KCNK17: variants seen among roughly 807,000 people sequenced by gnomAD.
KCNK17 encodes the protein potassium two pore domain channel subfamily K member 17.
Under a neutral mutation model 24.6 loss-of-function variants are expected in KCNK17, and 27 were observed. That is an observed-to-expected ratio of 1.10 (90% CI 0.81 to 1.51). The LOEUF is 1.51. KCNK17 is among the 40% of genes most tolerant of loss of function. The probability of loss-of-function intolerance (pLI) is 0.00; values close to 1 mark genes in which losing one functional copy is unlikely to be tolerated. For missense variants in KCNK17, 450 were observed against 436.6 expected, an observed-to-expected ratio of 1.03 and a Z score of -0.27; for synonymous variants, 181 against 189.8, an observed-to-expected ratio of 0.95 and a Z score of 0.38.
At chr6:39,300,334 G>A (rs529237801) in intron 4 of KCNK17, 13 of 734,180 alleles carry the variant, frequency 1.8e-5, no homozygotes, top group South Asian at 1.6e-4. Flanking sequence ...TTGTTGCCCA[G>A]GCTGGTCTTG....
rs375193911 is a variant in KCNK17 at position 39,311,012 on chromosome 6, G to A, written c.238-5C>T. 20 of 1,590,246 alleles carry A rather than the reference G, an allele frequency of 1.3e-5. No individual in the cohort carries two copies. Among genetic ancestry groups the A allele is most frequent in the Non-Finnish European group, 1.7e-5 (20 of 1,163,102 alleles). ...TTTGTATGCTTGGACGACATCCTGG[G>A]GAAGAGGCTGCAATGACCACCAGGC... On this transcript the variant is annotated splice_region_variant and splice_polypyrimidine_tract_variant and intron_variant, in intron 1 of 4. Coordinates refer to ENST00000373231, the MANE Select transcript of KCNK17 (RefSeq NM_031460.4).
At chr6:39,304,789 C>A in intron 2 of KCNK17, 134 bp from the exon 3 acceptor site, 3 of 912,854 alleles carry the variant, frequency 3.3e-6, no homozygotes, top group Non-Finnish European at 5.1e-6. Flanking sequence ...TGATACTTAC[C>A]AAGGCCCTCC....
intron 2 of KCNK17, among the ~76,000 whole-genome samples, chr6:39,309,073 C>T (rs1191122119): frequency 6.6e-6 from 1 of 152,220 alleles, no homozygotes; most frequent in Non-Finnish European, 1.5e-5. Flanking sequence ...CACCTGTAAT[C>T]CCAGCACTTT....
At chr6:39,302,126 A>G (rs1761960356) in intron 4 of KCNK17, among the ~76,000 whole-genome samples, 1 of 152,154 alleles carries the variant, frequency 6.6e-6, no homozygotes, top group African/African-American at 2.4e-5. Context: ...GTGACCTGCT[A>G]CGAGGCACTG....
intron 1 of KCNK17, 64 bp from the exon 2 acceptor site, chr6:39,311,071 T>TTC: frequency 2.3e-5 from 15 of 662,536 alleles, no homozygotes; most frequent in East Asian, 5.5e-5. Flanking sequence ...TACCCCAAGA[T>TTC]GCACACACAC....
intron 2 of KCNK17, among the ~76,000 whole-genome samples, chr6:39,306,220 T>C (rs1012298881): frequency 6.6e-6 from 1 of 152,110 alleles, no homozygotes; most frequent in African/African-American, 2.4e-5. Context: ...ATTTTTGTAT[T>C]TTTAGTAGAG....
intron 2 of KCNK17, 36 bp downstream of exon 2, chr6:39,310,857 C>T: frequency 8.7e-7 from 1 of 1,154,450 alleles, no homozygotes; most frequent in Admixed American, 2.2e-5. Context: ...GCCTCCTTCC[C>T]CCACCCCCAT....
At chr6:39,302,552 T>G (rs1044083526) in intron 4 of KCNK17, among the ~76,000 whole-genome samples, 3 of 152,182 alleles carry the variant, frequency 2.0e-5, no homozygotes, top group African/African-American at 7.2e-5. Context: ...TCTGTGTAAG[T>G]AGCAAAACTA....
chr6:39,313,816 C>G (rs1017633460), intron 1 of KCNK17, among the ~76,000 whole-genome samples: 12 of 152,260 alleles, frequency 7.9e-5, no homozygotes, highest in African/African-American at 2.9e-4. Flanking sequence ...ACCGGGCCAG[C>G]ATGCCCTCTC....
intron 4 of KCNK17, among the ~76,000 whole-genome samples, 180 bp from the exon 5 acceptor site, chr6:39,299,917 T>C (rs1161470639): frequency 6.6e-6 from 1 of 152,194 alleles, no homozygotes; most frequent in Non-Finnish European, 1.5e-5. Flanking sequence ...CTCCCTGGAT[T>C]GGCACTTGGG....
In KCNK17 at chr6:39,299,486, C is replaced by T. The variant is rs1193295176; in HGVS notation, c.940G>A (p.Gly314Arg). The T allele has an allele frequency of 6.2e-7, 1 of 1,614,206 alleles. No homozygotes were observed. Among genetic ancestry groups the T allele is most frequent in the Non-Finnish European group, 8.5e-7 (1 of 1,180,050 alleles). The change falls in exon 5 of 5, where the codon GGA (glycine) becomes AGA (arginine). Residue 314 changes from glycine to arginine, a missense_variant. Physicochemically the swap from Gly to Arg is moderately radical, Grantham distance 125. Transcript: ENST00000373231. ...GAAGGTTCCAGATGCTGTATGATTC[C>T]CATGGGTCCCTCTGGATAGCATCCT... The part of the protein sequence containing the change: ...QQGCYPEGPM[G>R]IIQHLEPSAH...
chr6:39,314,274 C>T lies in KCNK17; in HGVS notation c.47G>A (p.Gly16Asp), dbSNP rs1232432574. The change falls in exon 1 of 5, where the codon GGC (glycine) becomes GAC (aspartate). Residue 16 changes from glycine (G) to aspartate (D), a missense_variant. Coordinates refer to ENST00000373231, the MANE Select transcript of KCNK17 (RefSeq NM_031460.4). Reference sequence around the variant, plus strand: ...GAGCACGGTGCTGGGCACCGCGCAGCCCCGGACCCTGCCCTCGGGAGCCGC... The same window carrying T: ...GAGCACGGTGCTGGGCACCGCGCAGTCCCGGACCCTGCCCTCGGGAGCCGC... ...ARAAPEGRVR[G>D]CAVPSTVLLL... 3 of 1,505,082 alleles carry T rather than the reference C, an allele frequency of 2.0e-6. No homozygotes were observed. Among genetic ancestry groups the T allele is most frequent in the Admixed American group, 2.1e-5 (1 of 47,702 alleles). 93.2% of individuals were successfully genotyped at this position (1,505,082 alleles called of 1,614,324 possible). A position where few individuals can be genotyped will look rare whatever the true frequency, so the allele number is the denominator to read the frequency against.
chr6:39,309,579 G>A (rs1312731593), intron 2 of KCNK17, among the ~76,000 whole-genome samples: 1 of 152,150 alleles, frequency 6.6e-6, no homozygotes, highest in African/African-American at 2.4e-5. Context: ...GCTGGGAAGA[G>A]AGGTAGCAAA....
In KCNK17 at chr6:39,299,502, A is replaced by C; in HGVS notation, c.924T>G (p.Tyr308Ter). 6.2e-7 allele frequency: 1 copy of C among 1,614,214 alleles called. No homozygotes were observed. The highest frequency in any genetic ancestry group is 1.3e-5 in the African/African-American group (1 of 75,050). ...GTATGATTCCCATGGGTCCCTCTGG[A>C]TAGCATCCTTGCTGTGGGGAGTGGG... ...PESHSPQQGCYPEGPMGIIQH... is the reference protein window; with the variant it reads ...PESHSPQQGC The change falls in exon 5 of 5, where the codon TAT (tyrosine) becomes TAG (stop). Residue 308 changes from tyrosine (Y) to a stop codon, truncating the protein, a stop_gained. Coordinates refer to ENST00000373231, the MANE Select transcript of KCNK17 (RefSeq NM_031460.4). LOFTEE classifies it low-confidence loss of function (END_TRUNC).
At position 39,314,245 on chromosome 6, in the gene KCNK17, G is replaced by T. The variant is rs1021660157; in HGVS notation, c.76C>A (p.Leu26Met). ...GCAVPSTVLL[L>M]LAYLAYLALG... ...GCCAGGTAAGCCAGGTAGGCGAGCAGCAGGAGCACGGTGCTGGGCACCGCG... is the reference window on the plus strand; with the variant it reads ...GCCAGGTAAGCCAGGTAGGCGAGCATCAGGAGCACGGTGCTGGGCACCGCG... Residue 26 changes from leucine to methionine, a missense_variant, in exon 1 of 5, where the codon CTG (leucine) becomes ATG (methionine). Transcript: ENST00000373231. 6.5e-7 allele frequency: 1 copy of T among 1,536,476 alleles called. No individual in the cohort carries two copies. Among genetic ancestry groups the T allele is most frequent in the Admixed American group, 2.0e-5 (1 of 51,004 alleles).
In KCNK17 at chr6:39,304,639, G is replaced by T. The variant is rs770858777; in HGVS notation, c.369C>A (p.Ser123Arg). Residue 123 changes from serine (S) to arginine (R), a missense_variant, in exon 3 of 5, where the codon AGC becomes AGA. Transcript: ENST00000373231. ...AGAGGCGGGCAGCCATCGTGTTGGG[G>T]CTCAGGTTGCCATAGCCTGAGGTGA... Reference protein sequence around the residue: ...TITTIGYGNLSPNTMAARLFC... With the variant: ...TITTIGYGNLRPNTMAARLFC... The T allele has an allele frequency of 1.9e-6, 3 of 1,612,226 alleles. No individual in the cohort carries two copies. The Admixed American group carries it at 5.0e-5, about 27-fold the overall frequency.
intron 1 of KCNK17, among the ~76,000 whole-genome samples, chr6:39,313,208 G>A (rs1264073278): frequency 6.6e-6 from 1 of 152,162 alleles, no homozygotes; most frequent in Non-Finnish European, 1.5e-5. Context: ...CCTAAGATGC[G>A]CCACCCCTAG....
intron 4 of KCNK17, chr6:39,300,450 A>G: frequency 6.5e-7 from 1 of 1,536,224 alleles, no homozygotes; most frequent in Non-Finnish European, 8.8e-7. Context: ...ACAAGCCCCC[A>G]GAGGATTTCG....
chr6:39,303,918 C>G (rs772408539), intron 4 of KCNK17, 39 bp downstream of exon 4: 4 of 1,598,390 alleles, frequency 2.5e-6, no homozygotes, highest in Non-Finnish European at 8.5e-7. Context: ...GTATAGGCAG[C>G]CGAATGTCCC....
Sources: allele counts gnomAD v4.1 joint callset (sites outside exome capture counted in the v4.1 genomes callset), GRCh38; gene constraint gnomAD v4.1.1; transcripts MANE v1.5; gene names NCBI Gene and HGNC (gene_info 2026-07-23, HGNC 2026-07-21).